The following MYO18A variants were observed in gnomAD, a reference collection of about 807,000 sequenced individuals.
MYO18A encodes the protein unconventional myosin-XVIIIa.
Under a neutral mutation model 235.8 loss-of-function variants are expected in MYO18A, and 78 were observed. The observed-to-expected ratio is 0.33, with a 90% confidence interval of 0.28 to 0.40. MYO18A has a LOEUF of 0.40. Among genes scored for constraint, MYO18A ranks in the 10% least tolerant of loss-of-function variants. MYO18A has a pLI of 1.00. For missense variants in MYO18A, 2,215 were observed against 2,699.3 expected (o/e 0.82, Z 3.98); for synonymous variants, 977 against 1,077.8 (o/e 0.91, Z 1.83).
In MYO18A at chr17:29,115,797, A is replaced by C. The variant is rs2067045296; in HGVS notation, c.2094T>G (p.Ala698=). The C allele has an allele frequency of 6.3e-7, 1 of 1,591,390 alleles. No individual in the cohort carries two copies. The highest frequency in any genetic ancestry group is 1.3e-5 in the African/African-American group (1 of 74,616). Reference sequence around the variant, plus strand: ...CCAGGCTGCAGCCCAGTAGGTACGCAGCCTTCTGGGCCCACTCATGGCGGG... The same window carrying C: ...CCAGGCTGCAGCCCAGTAGGTACGCCGCCTTCTGGGCCCACTCATGGCGGG... ...QFARHEWAQK[A]AYLLGCSLEE... The change falls in exon 12 of 42, where the codon GCT becomes GCG. Residue 698 remains alanine, a synonymous_variant. Coordinates refer to ENST00000527372, the MANE Select transcript of MYO18A (RefSeq NM_078471.4).
Position 29,123,537 on chromosome 17 carries a change from G to A in MYO18A, c.1000-1284C>T, listed in dbSNP as rs568505715. On this transcript the variant is annotated intron_variant, in intron 2 of 41. Coordinates refer to ENST00000527372, the MANE Select transcript of MYO18A (RefSeq NM_078471.4). ...AAGGAGACGTGGGCTCTCCTCTCAGGTTGGCTTCTGGCTTTAGACAGATCC... is the reference window on the plus strand; with the variant it reads ...AAGGAGACGTGGGCTCTCCTCTCAGATTGGCTTCTGGCTTTAGACAGATCC... 5.3e-5 allele frequency among the ~76,000 whole-genome samples: 8 copies of A among 152,338 alleles called. No individual in the cohort carries two copies. The East Asian group carries it at 1.5e-3, about 29-fold the overall frequency.
In MYO18A at chr17:29,093,377, C is replaced by G; in HGVS notation, c.4872G>C (p.Lys1624Asn). The G allele has an allele frequency of 6.2e-7, 1 of 1,612,718 alleles. No individual in the cohort carries two copies. The highest frequency in any genetic ancestry group is 8.5e-7 in the Non-Finnish European group (1 of 1,179,840). ...QLEEEYEDKQ[K>N]VLREKRELEG... The stretch of plus-strand genomic sequence containing the variant: ...CCAGCTCCCGCTTCTCTCGCAGAAC[C>G]TTCTGCTTGTCCTCATACTCTTCCT... Residue 1624 changes from lysine to asparagine, a missense_variant, in exon 32 of 42, where the codon AAG (lysine) becomes AAC (asparagine). Physicochemically the swap from Lys to Asn is moderately conservative, Grantham distance 94. Transcript: ENST00000527372.
intron 2 of MYO18A, among the ~76,000 whole-genome samples, chr17:29,147,951 G>A (rs553264824): frequency 5.4e-4 from 82 of 151,674 alleles, no homozygotes; most frequent in Non-Finnish European, 9.9e-4. Flanking sequence ...AGATAAGAAG[G>A]GTCTGCCTAG....
chr17:29,096,951 C>T (rs1013725501), intron 27 of MYO18A, 36 bp from the exon 28 acceptor site: 4 of 1,507,488 alleles, frequency 2.7e-6, no homozygotes, highest in Non-Finnish European at 3.6e-6. Flanking sequence ...ACAGAGAGAC[C>T]CAGAAGCATA....
intron 31 of MYO18A, 47 bp downstream of exon 31, chr17:29,093,933 T>C (rs1568052264): frequency 2.2e-6 from 3 of 1,383,122 alleles, no homozygotes; most frequent in Non-Finnish European, 3.0e-6. Context: ...AAAGCGGTGA[T>C]GGGAACAGGT....
At position 29,119,413 on chromosome 17, in the gene MYO18A, C is replaced by G; in HGVS notation, c.1751G>C (p.Arg584Pro). The G allele has an allele frequency of 6.2e-7, 1 of 1,611,128 alleles. No homozygotes were observed. Among genetic ancestry groups the G allele is most frequent in the Non-Finnish European group, 8.5e-7 (1 of 1,179,042 alleles). The change falls in exon 8 of 42, where the codon CGT (arginine) becomes CCT (proline). Residue 584 changes from arginine to proline, a missense_variant. By Grantham distance (103) the Arg-to-Pro change is moderately radical (BLOSUM62 -2). Coordinates refer to ENST00000527372, the MANE Select transcript of MYO18A (RefSeq NM_078471.4). Reference protein sequence around the residue: ...SIQTMLLEKLRVARRPASEAT... With the variant: ...SIQTMLLEKLPVARRPASEAT... ...TTCACTGGCTGGGCGCCGAGCCACA[C>G]GCAGCTTCTCCAGAAGCATTGTCTG... is the stretch of plus-strand genomic sequence containing the variant.
At chr17:29,127,816 T>C (rs955603425) in intron 2 of MYO18A, 1 of 978,316 alleles carries the variant, frequency 1.0e-6, no homozygotes, top group Non-Finnish European at 1.2e-6. Context: ...GCTAGGGTGG[T>C]GAGGGGCAGG....
Position 29,111,371 on chromosome 17 carries a change from A to G in MYO18A, c.2900+53T>C, listed in dbSNP as rs187340239. 1,874 of 1,580,692 alleles carry G rather than the reference A, an allele frequency of 1.2e-3. 1 individual carries two copies. Among genetic ancestry groups the G allele is most frequent in the Non-Finnish European group, 1.5e-3 (1,793 of 1,160,784 alleles). On this transcript the variant is annotated intron_variant, in intron 17 of 41. Coordinates refer to ENST00000527372, the MANE Select transcript of MYO18A (RefSeq NM_078471.4). The surrounding 1 kb of genome is among the most constrained non-coding windows in gnomAD (Gnocchi z 5.1). ...ACAACCCCAGGGGGAGGGAGCCCCAAAATCAAAACAGTCCTGGGTACAGAA... is the reference window on the plus strand; with the variant it reads ...ACAACCCCAGGGGGAGGGAGCCCCAGAATCAAAACAGTCCTGGGTACAGAA...
In MYO18A at chr17:29,172,443, C is replaced by T. The variant is rs1411562924; in HGVS notation, c.-81-5422G>A. Among the ~76,000 whole-genome samples, 8 of 149,232 alleles carry T rather than the reference C, an allele frequency of 5.4e-5. No individual in the cohort carries two copies. In the Middle Eastern group the frequency reaches 0.01, roughly 193 times the overall value. ...TCATGCCACTGCACTCCAGCCTGGGCGACAGAACAAGACTCTGTCTAAAAA... is the reference window on the plus strand; with the variant it reads ...TCATGCCACTGCACTCCAGCCTGGGTGACAGAACAAGACTCTGTCTAAAAA... On this transcript the variant is annotated intron_variant, in intron 1 of 41. Transcript: ENST00000527372.
Position 29,117,267 on chromosome 17 carries a change from G to A in MYO18A, c.2038+778C>T, listed in dbSNP as rs1015284375. Among the ~76,000 whole-genome samples the A allele has an allele frequency of 1.3e-5, 2 of 152,180 alleles. No individual in the cohort carries two copies. Among genetic ancestry groups the A allele is most frequent in the Admixed American group, 6.5e-5 (1 of 15,282 alleles). The stretch of plus-strand genomic sequence containing the variant: ...CTCCTCCAAGCCAGGCCAAGTCCCC[G>A]AGCGCAAGTGCCAAAGCTGCAGCCC... On this transcript the variant is annotated intron_variant, in intron 10 of 41. Coordinates refer to ENST00000527372, the MANE Select transcript of MYO18A (RefSeq NM_078471.4). This position sits in a 1 kb window ranked among gnomAD's most constrained non-coding sequence, Gnocchi z 4.6.
At chr17:29,141,644 G>T (rs1014839339) in intron 2 of MYO18A, among the ~76,000 whole-genome samples, 4 of 152,184 alleles carry the variant, frequency 2.6e-5, no homozygotes, top group Non-Finnish European at 4.4e-5. Flanking sequence ...CCTGCCATGC[G>T]CTGTCCAAGT....
In MYO18A at chr17:29,126,089, G is replaced by A. The variant is rs796147193; in HGVS notation, c.1000-3836C>T. 1.3e-5 allele frequency: 4 copies of A among 314,610 alleles called. No homozygotes were observed. In the South Asian group the frequency reaches 5.0e-4, roughly 39 times the overall value. 19.5% of individuals were successfully genotyped at this position (314,610 alleles called of 1,614,324 possible). On this transcript the variant is annotated intron_variant, in intron 2 of 41. Transcript: ENST00000527372. The surrounding 1 kb of genome is among the most constrained non-coding windows in gnomAD (Gnocchi z 4.1). ...GGGGAGCAGCGCCAGGGAGCAAGCCGCGCGGCAATCTGAGTTTTTAAACCA... is the reference window on the plus strand; with the variant it reads ...GGGGAGCAGCGCCAGGGAGCAAGCCACGCGGCAATCTGAGTTTTTAAACCA...
rs1405914263 is a variant in MYO18A at position 29,166,019 on chromosome 17, G to C, written c.922C>G (p.Gln308Glu). The C allele has an allele frequency of 2.7e-5, 44 of 1,613,578 alleles. No individual in the cohort carries two copies. The highest frequency in any genetic ancestry group is 3.7e-5 in the Non-Finnish European group (44 of 1,179,904). Residue 308 changes from glutamine to glutamate, a missense_variant, in exon 2 of 42, where the codon CAG becomes GAG. By Grantham distance (29) the Gln-to-Glu change is conservative. Transcript: ENST00000527372. Reference protein sequence around the residue: ...QSGDSVRLKVQPIPELSELSR... With the variant: ...QSGDSVRLKVEPIPELSELSR... ...AGCTCGCTGAGCTCTGGAATGGGCT[G>C]CACCTTGAGCCGCACGCTGTCCCCT... is the stretch of plus-strand genomic sequence containing the variant.
intron 19 of MYO18A, among the ~76,000 whole-genome samples, chr17:29,108,890 C>T (rs971547263): frequency 2.6e-5 from 4 of 152,072 alleles, no homozygotes; most frequent in East Asian, 1.9e-4. Flanking sequence ...GTTTGAGTAA[C>T]GCACATTGAT....
intron 36 of MYO18A, 99 bp from the exon 37 acceptor site, chr17:29,090,197 G>A: frequency 4.4e-6 from 6 of 1,354,060 alleles, no homozygotes; most frequent in Non-Finnish European, 6.0e-6. Context: ...CAGAAGGCAA[G>A]GGGAGGGAGG....
chr17:29,083,620 G>T (rs1289959116), intron 40 of MYO18A, among the ~76,000 whole-genome samples: 1 of 151,956 alleles, frequency 6.6e-6, no homozygotes. Context: ...GGGGAATAAA[G>T]AGGCATGTTT....
chr17:29,082,571 C>T (rs761509362), intron 40 of MYO18A, 133 bp from the exon 41 acceptor site: 298 of 867,138 alleles, frequency 3.4e-4, no homozygotes, highest in Non-Finnish European at 2.9e-4. Context: ...GTCGGGAGGG[C>T]GGGAATGAGA....
rs1293750443 is a variant in MYO18A at position 29,118,410 on chromosome 17, C to T, written c.1860G>A (p.Glu620=). ...GTGGCACAATCCCAAACACATTGTT[C>T]TCTGCCAAGTGGTTGAGGTGGAGCT... ...RTELHLNHLA[E]NNVFGIVPLA... is the part of the protein sequence containing the mutation. The change falls in exon 9 of 42, where the codon GAG becomes GAA. Residue 620 remains glutamate (E), a synonymous_variant. Transcript: ENST00000527372. This position sits in a 1 kb window ranked among gnomAD's most constrained non-coding sequence, Gnocchi z 4.2. 1 of 1,607,010 alleles carries T rather than the reference C, an allele frequency of 6.2e-7. No individual in the cohort carries two copies. Among genetic ancestry groups the T allele is most frequent in the Admixed American group, 1.7e-5 (1 of 59,738 alleles).
At chr17:29,171,919 A>T (rs35834760) in intron 1 of MYO18A, among the ~76,000 whole-genome samples, 1 of 151,634 alleles carries the variant, frequency 6.6e-6, no homozygotes, top group Admixed American at 6.6e-5. Context: ...AAAAAAAAAA[A>T]CCATAGCCTG....
Sources: gnomAD v4.1 joint callset for allele counts (sites outside exome capture counted in the v4.1 genomes callset) on GRCh38, gnomAD v4.1.1 for gene constraint, Gnocchi (gnomAD v3.1) non-coding constraint, MANE v1.5 for transcripts, NCBI Gene and HGNC (gene_info 2026-07-23, HGNC 2026-07-21) for gene names.